Variants in FBXO36 observed in about 807,000 individuals in gnomAD.
FBXO36 encodes the protein F-box only protein 36.
In FBXO36, 18 loss-of-function variants were observed where a neutral mutation model predicts 17.0. The observed-to-expected ratio is 1.06, with a 90% CI of 0.73 to 1.57. The LOEUF (loss-of-function observed/expected upper bound fraction) is 1.57, where lower values mean the gene tolerates loss of function less well. Among genes scored for constraint, FBXO36 ranks in the 40% most tolerant of loss-of-function variants. The pLI is 0.00. For synonymous variants in FBXO36, 83 were observed against 85.3 expected, an observed-to-expected ratio of 0.97 and a Z score of 0.15; for missense variants, 229 against 221.9, an observed-to-expected ratio of 1.03 and a Z score of -0.20.
At chr2:230,006,593 G>A (rs2077387997) in intron 3 of FBXO36, among the ~76,000 whole-genome samples, 1 of 152,166 alleles carries the variant, frequency 6.6e-6, no homozygotes, top group Non-Finnish European at 1.5e-5. Flanking sequence ...GGGACTTGAA[G>A]GTGAAAAGAT....
intron 1 of FBXO36, among the ~76,000 whole-genome samples, chr2:229,939,965 C>T (rs1432952611): frequency 6.6e-6 from 1 of 152,064 alleles, no homozygotes; most frequent in Admixed American, 6.6e-5. Context: ...GGCCCGTAGT[C>T]CCAGCTACTT....
intron 3 of FBXO36, among the ~76,000 whole-genome samples, chr2:230,010,257 ATC>A (rs1362719983): frequency 3.9e-5 from 6 of 152,218 alleles, no homozygotes; most frequent in Non-Finnish European, 8.8e-5. Context: ...GCAAAACTCC[ATC>A]TCAAAAATAA....
intron 1 of FBXO36, among the ~76,000 whole-genome samples, chr2:229,954,234 A>ATTTTTTTTTT (rs60093081): frequency 0.023 from 1,669 of 71,322 alleles, 459 homozygotes; most frequent in African/African-American, 0.023. Context: ...AACCCTTTGG[A>ATTTTTTTTTT]TTTTTTTTTT....
At chr2:230,000,355 C>CAAAA (rs3086348) in intron 3 of FBXO36, among the ~76,000 whole-genome samples, 59 of 77,362 alleles carry the variant, frequency 7.6e-4, no homozygotes, top group African/African-American at 1.6e-3. Flanking sequence ...GAGACTGTCT[C>CAAAA]AAAAAAAAAA....
At chr2:229,940,169 C>T (rs1047227453) in intron 1 of FBXO36, among the ~76,000 whole-genome samples, 2 of 151,798 alleles carry the variant, frequency 1.3e-5, no homozygotes, top group Admixed American at 6.6e-5. Context: ...ACTAATTGTT[C>T]CCAATTAGTG....
chr2:229,958,257 C>CTT lies in FBXO36; in HGVS notation c.97-17958_97-17957dup, dbSNP rs1161188534. Among the ~76,000 whole-genome samples, 156 of 78,696 alleles carry CTT rather than the reference C, an allele frequency of 2.0e-3. 27 individuals carry two copies. The highest frequency in any genetic ancestry group is 3.4e-3 in the African/African-American group (64 of 18,934). The allele number at this position is 78,696 out of a possible 152,430, so 51.6% of individuals were successfully genotyped here. A position where few individuals can be genotyped will look rare whatever the true frequency, so the allele number is the denominator to read the frequency against. On this transcript the variant is annotated intron_variant, in intron 1 of 3. Transcript: ENST00000283946. ...ATTGTTTACAGAGAGCTCTGACTTT[C>CTT]TTTTTTTTTTTTTTTTTTTTTTTTT...
intron 3 of FBXO36, among the ~76,000 whole-genome samples, chr2:230,000,156 G>C (rs1160104237): frequency 6.6e-6 from 1 of 151,876 alleles, no homozygotes; most frequent in Non-Finnish European, 1.5e-5. Context: ...TCAGGAGTTT[G>C]AGACCAGCCT....
chr2:229,922,956 G>A lies in FBXO36; in HGVS notation c.96+347G>A, dbSNP rs577908983. Reference sequence around the variant, plus strand: ...GTGCGGCCTCACCTCAGCGTGAGAAGGAGGGAAAGAACGACTCAGCCAAGT... The same window carrying A: ...GTGCGGCCTCACCTCAGCGTGAGAAAGAGGGAAAGAACGACTCAGCCAAGT... On this transcript the variant is annotated intron_variant, in intron 1 of 3. Coordinates refer to ENST00000283946, the MANE Select transcript of FBXO36 (RefSeq NM_174899.5). 1.3e-4 allele frequency among the ~76,000 whole-genome samples: 20 copies of A among 152,350 alleles called. No homozygotes were observed. The South Asian group carries it at 3.7e-3, about 28-fold the overall frequency.
rs943679999 is a variant in FBXO36, at chr2:229,969,401, A to C, written c.97-6840A>C. Reference sequence around the variant, plus strand: ...TCACAAATTAAAAAAAAAAAAAAAAAATTCAGGCCAGGCACGGTGGCTCAC... The same window carrying C: ...TCACAAATTAAAAAAAAAAAAAAAACATTCAGGCCAGGCACGGTGGCTCAC... On this transcript the variant is annotated intron_variant, in intron 1 of 3. Transcript: ENST00000283946. 3.9e-5 allele frequency among the ~76,000 whole-genome samples: 6 copies of C among 151,930 alleles called. No individual in the cohort carries two copies. The South Asian group carries it at 1.2e-3, about 32-fold the overall frequency.
At chr2:229,930,905 C>T (rs534491468) in intron 1 of FBXO36, among the ~76,000 whole-genome samples, 1 of 152,120 alleles carries the variant, frequency 6.6e-6, no homozygotes, top group Non-Finnish European at 1.5e-5. Flanking sequence ...GCAGCAAGTG[C>T]GCAAACATTC....
chr2:229,946,097 G>A (rs2077025848), intron 1 of FBXO36, among the ~76,000 whole-genome samples: 1 of 151,948 alleles, frequency 6.6e-6, no homozygotes, highest in South Asian at 2.1e-4. Flanking sequence ...ACTTTGCATT[G>A]CGGCCCCAGG....
chr2:229,946,731 G>A (rs2077029141), intron 1 of FBXO36, among the ~76,000 whole-genome samples: 1 of 152,210 alleles, frequency 6.6e-6, no homozygotes, highest in Non-Finnish European at 1.5e-5. Flanking sequence ...TGTAAGCTGT[G>A]TAGACTAAAC....
intron 2 of FBXO36, among the ~76,000 whole-genome samples, chr2:229,980,911 T>G (rs1459811423): frequency 1.3e-5 from 2 of 152,120 alleles, no homozygotes; most frequent in Non-Finnish European, 2.9e-5. Context: ...CCCGGCAAGT[T>G]CAAAGGCTCC....
At chr2:229,969,871 A>G (rs2077172620) in intron 1 of FBXO36, among the ~76,000 whole-genome samples, 1 of 152,152 alleles carries the variant, frequency 6.6e-6, no homozygotes, top group African/African-American at 2.4e-5. Flanking sequence ...AAAATGGACA[A>G]AAGACATTAA....
intron 1 of FBXO36, among the ~76,000 whole-genome samples, chr2:229,948,518 G>GA (rs59155537): frequency 1.4e-3 from 186 of 129,258 alleles, no homozygotes; most frequent in African/African-American, 4.9e-3. Context: ...GGGCTTTAGA[G>GA]AAAAAAAAAA....
chr2:229,946,605 G>A (rs2077028229), intron 1 of FBXO36, among the ~76,000 whole-genome samples: 2 of 152,156 alleles, frequency 1.3e-5, no homozygotes, highest in Non-Finnish European at 2.9e-5. Context: ...AAAATATCTC[G>A]ACATGATCAG....
chr2:229,999,658 G>A (rs1215478229), intron 3 of FBXO36, among the ~76,000 whole-genome samples: 3 of 151,706 alleles, frequency 2.0e-5, no homozygotes, highest in Admixed American at 2.0e-4. Context: ...GATTACAGGT[G>A]TGAGCCACCT....
rs1208791451 is a variant in FBXO36, at chr2:230,012,210, T to G, written c.*1326T>G. ...TGAACAATACAGAAGTTGTGGACTC[T>G]GGCTCTTTGTCCCACCTAAGTCCTT... On this transcript the variant is annotated 3_prime_UTR_variant, in exon 4 of 4. Coordinates refer to ENST00000283946, the MANE Select transcript of FBXO36 (RefSeq NM_174899.5). 6.6e-6 allele frequency: 1 copy of G among 152,202 alleles called. No homozygotes were observed. Among genetic ancestry groups the G allele is most frequent in the Admixed American group, 6.5e-5 (1 of 15,274 alleles). The allele number at this position is 152,202 out of a possible 1,614,324, so 9.4% of individuals were successfully genotyped here. A position where few individuals can be genotyped will look rare whatever the true frequency, so the allele number is the denominator to read the frequency against.
At position 229,996,210 on chromosome 2, in the gene FBXO36, C is replaced by T. The variant is rs572449180; in HGVS notation, c.206-541C>T. Among the ~76,000 whole-genome samples the T allele has an allele frequency of 3.3e-5, 5 of 151,372 alleles. No individual in the cohort carries two copies. The East Asian group carries it at 5.8e-4, about 18-fold the overall frequency. Reference sequence around the variant, plus strand: ...GGAGGATTGCTTGAGCCTGGGAGGTCGAGGCTGCAGTGAGCCGCGATTGCA... The same window carrying T: ...GGAGGATTGCTTGAGCCTGGGAGGTTGAGGCTGCAGTGAGCCGCGATTGCA... On this transcript the variant is annotated intron_variant, in intron 2 of 3. Transcript: ENST00000283946.
Sources: allele counts gnomAD v4.1 joint callset (sites outside exome capture counted in the v4.1 genomes callset), GRCh38; gene constraint gnomAD v4.1.1; transcripts MANE v1.5; gene names NCBI Gene and HGNC (gene_info 2026-07-23, HGNC 2026-07-21).